Variants in SCTR observed in about 807,000 individuals in gnomAD.
SCTR encodes secretin receptor.
A neutral mutation model predicts 60.8 loss-of-function variants in SCTR; 56 were observed. The observed-to-expected ratio is 0.92, with a 90% CI of 0.74 to 1.15. SCTR has a LOEUF of 1.15. SCTR is among the 50% of genes most tolerant of loss of function. SCTR has a pLI of 0.00. For synonymous variants in SCTR, 202 were observed against 217.0 expected (o/e 0.93, Z 0.61); for missense variants, 562 against 550.4 (o/e 1.02, Z -0.21).
At chr2:119,518,110 C>A (rs1430843589) in intron 1 of SCTR, among the ~76,000 whole-genome samples, 1 of 152,142 alleles carries the variant, frequency 6.6e-6, no homozygotes, top group Non-Finnish European at 1.5e-5. Context: ...CCACCAGAGA[C>A]CAAACCCTTG....
intron 6 of SCTR, among the ~76,000 whole-genome samples, chr2:119,462,586 T>G (rs1349479028): frequency 6.6e-6 from 1 of 152,204 alleles, no homozygotes; most frequent in Admixed American, 6.5e-5. Context: ...TTAACAGGCA[T>G]GTCCCCTGCA....
chr2:119,519,453 T>G (rs1679217762), intron 1 of SCTR, among the ~76,000 whole-genome samples: 1 of 152,174 alleles, frequency 6.6e-6, no homozygotes, highest in Non-Finnish European at 1.5e-5. Context: ...GGAGATAATT[T>G]TATGACAGCT....
At chr2:119,451,931 C>T (rs1193544073) in intron 9 of SCTR, 79 bp downstream of exon 9, 2 of 888,534 alleles carry the variant, frequency 2.3e-6, no homozygotes, top group Non-Finnish European at 3.7e-6. Flanking sequence ...CCCTGTCCTT[C>T]CACCCTCTGC....
intron 2 of SCTR, among the ~76,000 whole-genome samples, chr2:119,482,862 A>G (rs1438708098): frequency 6.6e-6 from 1 of 152,226 alleles, no homozygotes; most frequent in Non-Finnish European, 1.5e-5. Context: ...AGGGTGACCC[A>G]GAGCCCTCTT....
At chr2:119,487,314 T>C (rs1422028590) in intron 2 of SCTR, 1 of 152,210 alleles carries the variant, frequency 6.6e-6, no homozygotes. Flanking sequence ...GCTATGTGAA[T>C]TTCACCTCAA....
At chr2:119,478,410 A>C (rs1309124586) in intron 3 of SCTR, among the ~76,000 whole-genome samples, 2 of 152,054 alleles carry the variant, frequency 1.3e-5, no homozygotes, top group Middle Eastern at 3.2e-3. Context: ...CAGTGGAAGG[A>C]AGTATTTTGG....
chr2:119,505,100 A>G lies in SCTR; in HGVS notation c.73-10552T>C, dbSNP rs938454333. ...GTTGGTGGAACTGTAAACTAGTTCA[A>G]CCATTGTGGAAGTCAGTGTGGCGAT... is the stretch of plus-strand genomic sequence containing the variant. On this transcript the variant is annotated intron_variant, in intron 1 of 12. Transcript: ENST00000019103. Among the ~76,000 whole-genome samples the G allele has an allele frequency of 1.3e-4, 20 of 152,306 alleles. No homozygotes were observed. The East Asian group carries it at 3.9e-3, about 29-fold the overall frequency.
chr2:119,505,941 C>T (rs67780834), intron 1 of SCTR, among the ~76,000 whole-genome samples: 31,812 of 152,010 alleles, frequency 0.21, 4,442 homozygotes, highest in East Asian at 0.75. Context: ...TAGGTAAATC[C>T]AAATTAAAAC....
intron 3 of SCTR, among the ~76,000 whole-genome samples, chr2:119,473,773 A>C (rs1677136932): frequency 1.3e-5 from 2 of 152,104 alleles, no homozygotes; most frequent in African/African-American, 4.8e-5. Context: ...GCTCTTAAGC[A>C]CACACCACGT....
At chr2:119,518,458 A>G (rs1204123499) in intron 1 of SCTR, among the ~76,000 whole-genome samples, 1 of 152,088 alleles carries the variant, frequency 6.6e-6, no homozygotes, top group Non-Finnish European at 1.5e-5. Flanking sequence ...GGATCTGGAG[A>G]TGACTCTGGG....
chr2:119,521,541 G>C (rs1314412474), intron 1 of SCTR, among the ~76,000 whole-genome samples: 1 of 152,078 alleles, frequency 6.6e-6, no homozygotes, highest in Non-Finnish European at 1.5e-5. Context: ...GGCCGCAGAG[G>C]GGGCTGTGAT....
At chr2:119,474,192 C>T (rs1204681478) in intron 3 of SCTR, among the ~76,000 whole-genome samples, 1 of 152,222 alleles carries the variant, frequency 6.6e-6, no homozygotes, top group African/African-American at 2.4e-5. Context: ...TGGGCCCTCT[C>T]ACCACATGGG....
chr2:119,467,109 G>A (rs1349714378), intron 4 of SCTR, among the ~76,000 whole-genome samples: 2 of 152,176 alleles, frequency 1.3e-5, no homozygotes, highest in African/African-American at 4.8e-5. Context: ...GCCAGGCATG[G>A]TGGCTCACAC....
intron 1 of SCTR, among the ~76,000 whole-genome samples, chr2:119,501,886 G>C (rs1678565395): frequency 6.6e-6 from 1 of 152,096 alleles, no homozygotes; most frequent in African/African-American, 2.4e-5. Flanking sequence ...ATTCAGGAAG[G>C]TCTCAGGATA....
chr2:119,465,714 TGG>T, intron 5 of SCTR, 73 bp downstream of exon 5: 2 of 974,568 alleles, frequency 2.1e-6, no homozygotes, highest in Non-Finnish European at 3.3e-6. Flanking sequence ...CTTTCTGTCC[TGG>T]GTGGTTGAGA....
intron 9 of SCTR, 105 bp from the exon 10 acceptor site, chr2:119,448,885 C>A: frequency 1.5e-6 from 1 of 663,198 alleles, no homozygotes; most frequent in Non-Finnish European, 2.7e-6. Context: ...ATTGCAGACA[C>A]CACAGCCAGG....
Position 119,501,167 on chromosome 2 carries a change from T to C in SCTR, c.73-6619A>G, listed in dbSNP as rs1464074605. On this transcript the variant is annotated intron_variant, in intron 1 of 12. Coordinates refer to ENST00000019103, the MANE Select transcript of SCTR (RefSeq NM_002980.3). ...GGCTCATGCCTGTAATCCCAGCACT[T>C]TGGGAGGCCAAGGCAGGTGGATCAC... Among the ~76,000 whole-genome samples the C allele has an allele frequency of 3.9e-5, 6 of 152,250 alleles. No homozygotes were observed. In the East Asian group the frequency reaches 9.7e-4, roughly 25 times the overall value.
chr2:119,440,387 G>A, intron 12 of SCTR, 130 bp from the exon 13 acceptor site: 1 of 1,033,560 alleles, frequency 9.7e-7, no homozygotes, highest in Non-Finnish European at 1.4e-6. Context: ...TAGCCTGCAG[G>A]CCACGCAGAT....
intron 7 of SCTR, 40 bp downstream of exon 7, chr2:119,461,805 TCC>T: frequency 6.4e-7 from 1 of 1,550,610 alleles, no homozygotes; most frequent in South Asian, 1.2e-5. Flanking sequence ...CAGCACCCCT[TCC>T]CACATACCAT....
Sources: gnomAD v4.1 joint callset for allele counts (sites outside exome capture counted in the v4.1 genomes callset) on GRCh38, gnomAD v4.1.1 for gene constraint, MANE v1.5 for transcripts, NCBI Gene and HGNC (gene_info 2026-07-23, HGNC 2026-07-21) for gene names.